C4orf50: variants seen among roughly 807,000 people sequenced by gnomAD.
C4orf50 encodes chromosome 4 open reading frame 50, also known as uncharacterized protein C4orf50.
A neutral mutation model predicts 77.2 loss-of-function variants in C4orf50; 80 were observed. That is an observed-to-expected ratio of 1.04 (90% confidence interval 0.87 to 1.25). The LOEUF (loss-of-function observed/expected upper bound fraction) is 1.25, where lower values mean the gene tolerates loss of function less well. C4orf50 is among the 50% of genes most tolerant of loss of function. C4orf50 has a pLI of 0.00. For missense variants in C4orf50, 1,257 were observed against 1,152.9 expected (o/e 1.09, Z -1.31); for synonymous variants, 532 against 465.3 (o/e 1.14, Z -1.84).
intron 25 of C4orf50, among the ~76,000 whole-genome samples, chr4:5,996,532 T>C (rs566639477): frequency 6.7e-6 from 1 of 149,426 alleles, no homozygotes; most frequent in Admixed American, 6.7e-5. Context: ...TCTGGACCTC[T>C]CTTCCCACCC....
chr4:5,968,158 A>T (rs764071984), intron 31 of C4orf50, among the ~76,000 whole-genome samples: 10 of 152,176 alleles, frequency 6.6e-5, no homozygotes, highest in Non-Finnish European at 1.3e-4. Context: ...CAGGTATAGG[A>T]GGCCATCTCC....
intron 7 of C4orf50, among the ~76,000 whole-genome samples, chr4:5,935,664 T>C (rs1252848497): frequency 1.3e-5 from 2 of 151,690 alleles, no homozygotes; most frequent in African/African-American, 2.4e-5. Flanking sequence ...CGGGCGCCTA[T>C]AGTCCCAGCT....
intron 23 of C4orf50, among the ~76,000 whole-genome samples, 180 bp from the exon 2 acceptor site, chr4:6,012,148 G>A (rs9995787): frequency 0.75 from 113,867 of 152,134 alleles, 42,893 homozygotes; most frequent in East Asian, 0.99. Context: ...ATCATCTATA[G>A]TACTTCAAAG....
rs1461785735 is a variant in C4orf50, at chr4:5,900,902, G to T, written c.*2475-2714C>A. On this transcript the variant is annotated intron_variant, in intron 7 of 7. Transcript: ENST00000324058. The surrounding 1 kb of genome is among the most constrained non-coding windows in gnomAD (Gnocchi z 4.3). ...GGAAGGGCAATGGCAGGGCCACTCT[G>T]AGCACACAGCCCATGTGTGTCACCC... 1 of 152,246 alleles carries T rather than the reference G, an allele frequency of 6.6e-6. No individual in the cohort carries two copies. The highest frequency in any genetic ancestry group is 1.5e-5 in the Non-Finnish European group (1 of 68,044). The allele number at this position is 152,246 out of a possible 1,614,324, so 9.4% of individuals were successfully genotyped here. A position where few individuals can be genotyped will look rare whatever the true frequency, so the allele number is the denominator to read the frequency against.
At chr4:5,911,214 C>A (rs1577876515) in intron 7 of C4orf50, among the ~76,000 whole-genome samples, 1 of 152,112 alleles carries the variant, frequency 6.6e-6, no homozygotes, top group African/African-American at 2.4e-5. Context: ...CGGCCTCTTC[C>A]CTTTCTGTGC....
chr4:5,953,381 G>T (rs1307080676), downstream of C4orf50, among the ~76,000 whole-genome samples: 1 of 152,212 alleles, frequency 6.6e-6, no homozygotes, highest in Non-Finnish European at 1.5e-5. Flanking sequence ...GAGACACACA[G>T]CTATGAAGCA....
intron 29 of C4orf50, among the ~76,000 whole-genome samples, chr4:5,977,313 A>T (rs13128921): frequency 0.21 from 31,683 of 152,204 alleles, 3,596 homozygotes; most frequent in African/African-American, 0.3. Flanking sequence ...AGTTAAAAAA[A>T]TCAAATAAAA....
intron 7 of C4orf50, chr4:5,899,731 C>T (rs1488284123): frequency 6.6e-6 from 1 of 152,208 alleles, no homozygotes; most frequent in African/African-American, 2.4e-5. Flanking sequence ...CCATGGTTCT[C>T]CCCCAGCTGC....
Position 6,004,056 on chromosome 4 carries a change from GGTGATGATGGTGATGGTGATGATGTGATA to G in C4orf50, c.963+3911_963+3939del, listed in dbSNP as rs1577991550. On this transcript the variant is annotated intron_variant, in intron 25 of 33. Transcript: ENST00000531445. ...TAGTGATGATGGTGATGGTGATGAT[GGTGATGATGGTGATGGTGATGATGTGATA>G]GTGATGATGGTGATGATGGTGATGG... 8.5e-3 allele frequency among the ~76,000 whole-genome samples: 978 copies of G among 114,988 alleles called. 3 individuals carry two copies. Among genetic ancestry groups the G allele is most frequent in the Admixed American group, 0.015 (178 of 11,590 alleles). 75.4% of individuals were successfully genotyped at this position (114,988 alleles called of 152,430 possible). A position where few individuals can be genotyped will look rare whatever the true frequency, so the allele number is the denominator to read the frequency against.
At position 5,986,617 on chromosome 4, in the gene C4orf50, C is replaced by T. The variant is rs1337333286; in HGVS notation, c.3699+1730G>A. Among the ~76,000 whole-genome samples the T allele has an allele frequency of 2.7e-3, 414 of 150,988 alleles. 11 individuals are homozygous for T. Among genetic ancestry groups the T allele is most frequent in the Non-Finnish European group, 3.2e-4 (22 of 67,900 alleles). The stretch of plus-strand genomic sequence containing the variant: ...GCAGTGGCACAATCTCGGCTCACTG[C>T]AACCTCCGCCTCCCAGGTTCAAGCA... On this transcript the variant is annotated intron_variant, in intron 28 of 33. Transcript: ENST00000531445.
intron 7 of C4orf50, chr4:5,898,436 C>T (rs1716215860): frequency 6.6e-6 from 1 of 152,310 alleles, no homozygotes; most frequent in Admixed American, 6.5e-5. Context: ...TTTCTTTAAT[C>T]TTCACACCTT....
intron 7 of C4orf50, among the ~76,000 whole-genome samples, chr4:5,924,615 G>C (rs901841351): frequency 8.5e-5 from 13 of 152,190 alleles, no homozygotes; most frequent in African/African-American, 3.1e-4. Flanking sequence ...ACCCAGGGCG[G>C]GCCTGGAGCA....
rs1363000185 is a variant in C4orf50 at position 5,900,925 on chromosome 4, C to T, written c.*2475-2737G>A. ...CTGAGCACACAGCCCATGTGTGTCA[C>T]CCTCTGTATGTCACCATGTGTGTCA... On this transcript the variant is annotated intron_variant, in intron 7 of 7. Coordinates refer to the C4orf50 transcript ENST00000324058. The surrounding 1 kb of genome is among the most constrained non-coding windows in gnomAD (Gnocchi z 4.3). 5 of 152,238 alleles carry T rather than the reference C, an allele frequency of 3.3e-5. No individual in the cohort carries two copies. In the South Asian group the frequency reaches 1.0e-3, roughly 32 times the overall value. 9.4% of individuals were successfully genotyped at this position (152,238 alleles called of 1,614,324 possible).
At chr4:5,899,706 T>TA (rs1716263820) in intron 7 of C4orf50, 1 of 152,248 alleles carries the variant, frequency 6.6e-6, no homozygotes, top group East Asian at 1.9e-4. Flanking sequence ...GGAAAGAGAC[T>TA]ATGTGACTGT....
rs186526764 is a variant in C4orf50 at position 5,989,789 on chromosome 4, C to G, written c.2257G>C (p.Glu753Gln). Residue 753 changes from glutamate (E) to glutamine (Q), a missense_variant, in exon 28 of 34, where the codon GAA becomes CAA. Physicochemically the swap from Glu to Gln is conservative, Grantham distance 29. Transcript: ENST00000531445. ...AAAAGCATTTCCTTGCTCTCATGTT[C>G]CTGGGAGTCAGGCTCCTCGGGGGCA... 11 of 1,518,714 alleles carry G rather than the reference C, an allele frequency of 7.2e-6. No homozygotes were observed. In the African/African-American group the frequency reaches 1.4e-4, roughly 19 times the overall value. 94.1% of individuals were successfully genotyped at this position (1,518,714 alleles called of 1,614,324 possible).
intron 25 of C4orf50, among the ~76,000 whole-genome samples, chr4:6,003,866 G>T (rs1445010297): frequency 4.1e-4 from 58 of 141,394 alleles, no homozygotes; most frequent in Middle Eastern, 5.0e-3. Flanking sequence ...GATGGTGATG[G>T]TGATGATGGT....
chr4:5,987,572 G>A lies in C4orf50; in HGVS notation c.3699+775C>T, dbSNP rs186673489. Reference sequence around the variant, plus strand: ...GGGAGGAAAGAGAGAAAGGAAAGAAGGAAGAGAGAGACAAAGAGAGAAAGA... The same window carrying A: ...GGGAGGAAAGAGAGAAAGGAAAGAAAGAAGAGAGAGACAAAGAGAGAAAGA... On this transcript the variant is annotated intron_variant, in intron 28 of 33. Transcript: ENST00000531445. Among the ~76,000 whole-genome samples, 109 of 151,172 alleles carry A rather than the reference G, an allele frequency of 7.2e-4. 1 individual carries two copies. The East Asian group carries it at 0.019, about 26-fold the overall frequency.
In C4orf50 at chr4:5,992,231, G is replaced by C. The variant is rs921711328; in HGVS notation, c.1221+572C>G. ...GATGTGAATGAATGAAGAGATGATG[G>C]AGGGCCTCTCTATTTACAACCACAC... is the stretch of plus-strand genomic sequence containing the variant. On this transcript the variant is annotated intron_variant, in intron 27 of 33. Transcript: ENST00000531445. The surrounding 1 kb of genome is among the most constrained non-coding windows in gnomAD (Gnocchi z 5.0). Among the ~76,000 whole-genome samples, 3 of 152,182 alleles carry C rather than the reference G, an allele frequency of 2.0e-5. No individual in the cohort carries two copies. The highest frequency in any genetic ancestry group is 6.5e-5 in the Admixed American group (1 of 15,280).
In C4orf50 at chr4:5,900,868, G is replaced by C. The variant is rs759282264; in HGVS notation, c.*2475-2680C>G. ...TGTCACCTTAATCACTGACCTGCTG[G>C]CTTGCCTGGGAAGGGCAATGGCAGG... On this transcript the variant is annotated intron_variant, in intron 7 of 7. Coordinates refer to the C4orf50 transcript ENST00000324058. The surrounding 1 kb of genome is among the most constrained non-coding windows in gnomAD (Gnocchi z 4.3). 1 of 152,224 alleles carries C rather than the reference G, an allele frequency of 6.6e-6. No homozygotes were observed. Among genetic ancestry groups the C allele is most frequent in the African/African-American group, 2.4e-5 (1 of 41,456 alleles). 9.4% of individuals were successfully genotyped at this position (152,224 alleles called of 1,614,324 possible).
Sources: gnomAD v4.1 joint callset for allele counts (sites outside exome capture counted in the v4.1 genomes callset) on GRCh38, gnomAD v4.1.1 for gene constraint, Gnocchi (gnomAD v3.1) non-coding constraint, MANE v1.5 for transcripts, NCBI Gene and HGNC (gene_info 2026-07-23, HGNC 2026-07-21) for gene names.